ZNF420: variants seen among roughly 807,000 people sequenced by gnomAD.
The protein encoded by ZNF420 is ATM and p53-associated KZNF protein.
A neutral mutation model predicts 44.7 loss-of-function variants in ZNF420; 31 were observed. The observed-to-expected ratio is 0.69, with a 90% CI of 0.52 to 0.94. The LOEUF is 0.94. Ranked by LOEUF, ZNF420 falls within the 40% of genes least tolerant of loss-of-function variation. The pLI is 0.00. For missense variants in ZNF420, 681 were observed against 827.9 expected, an observed-to-expected ratio of 0.82 and a Z score of 2.18; for synonymous variants, 245 against 267.4, an observed-to-expected ratio of 0.92 and a Z score of 0.82.
intron 1 of ZNF420, among the ~76,000 whole-genome samples, chr19:37,072,921 TG>T (rs1427554233): frequency 2.6e-5 from 4 of 152,340 alleles, no homozygotes; most frequent in South Asian, 2.1e-4. Flanking sequence ...TTTTAAAACA[TG>T]AAAAAAACAG....
intron 1 of ZNF420, among the ~76,000 whole-genome samples, chr19:37,066,482 C>T (rs557770323): frequency 6.6e-6 from 1 of 150,920 alleles, no homozygotes; most frequent in East Asian, 1.9e-4. Context: ...GATGAACAAA[C>T]CAATTAAAGA....
Position 37,128,686 on chromosome 19 carries a change from G to T in ZNF420, c.1695G>T (p.Gly565=). 1 of 1,614,024 alleles carries T rather than the reference G, an allele frequency of 6.2e-7. No homozygotes were observed. The highest frequency in any genetic ancestry group is 8.5e-7 in the Non-Finnish European group (1 of 1,179,980). ...AACCATATCAATGTAAGGAATGTGG[G>T]AAAGCCTTTATTCGTGGTTCACAGT... The part of the protein sequence containing the change: ...GEKPYQCKEC[G]KAFIRGSQLT... Residue 565 remains glycine (G), a synonymous_variant, in exon 5 of 5, where the codon GGG becomes GGT. Coordinates refer to ENST00000337995, the MANE Select transcript of ZNF420 (RefSeq NM_144689.5).
intron 1 of ZNF420, among the ~76,000 whole-genome samples, chr19:37,027,626 A>C (rs1450074056): frequency 6.6e-6 from 1 of 152,160 alleles, no homozygotes; most frequent in Non-Finnish European, 1.5e-5. Context: ...TTATAATACC[A>C]TCTGCCTAGT....
chr19:37,122,379 C>T (rs955110163), intron 4 of ZNF420, among the ~76,000 whole-genome samples: 29 of 151,282 alleles, frequency 1.9e-4, no homozygotes, highest in East Asian at 3.9e-4. Context: ...AACCAAACAC[C>T]GCATGTTCTC....
At chr19:37,056,450 C>T (rs1188085946) in intron 1 of ZNF420, among the ~76,000 whole-genome samples, 1 of 152,170 alleles carries the variant, frequency 6.6e-6, no homozygotes, top group Non-Finnish European at 1.5e-5. Flanking sequence ...GCCAGTGACA[C>T]GTGTGGTTGC....
intron 1 of ZNF420, among the ~76,000 whole-genome samples, chr19:37,014,581 C>A (rs187889226): frequency 8.5e-5 from 13 of 152,350 alleles, no homozygotes; most frequent in Admixed American, 4.6e-4. Flanking sequence ...GCCTCCTCCC[C>A]CAAGCCGCCG....
Position 37,127,504 on chromosome 19 carries a change from A to C in ZNF420, c.513A>C (p.Gln171His). ...HTGEKPYECK[Q>H]CGKAFSRDSQ... Reference sequence around the variant, plus strand: ...GTGAAAAACCCTATGAATGTAAGCAATGCGGGAAGGCCTTTAGTCGTGATT... The same window carrying C: ...GTGAAAAACCCTATGAATGTAAGCACTGCGGGAAGGCCTTTAGTCGTGATT... The change falls in exon 5 of 5, where the codon CAA becomes CAC. Residue 171 changes from glutamine to histidine, a missense_variant. Gln to His is a conservative substitution (Grantham distance 24, BLOSUM62 0). Transcript: ENST00000337995. 1 of 1,613,972 alleles carries C rather than the reference A, an allele frequency of 6.2e-7. No individual in the cohort carries two copies. Among genetic ancestry groups the C allele is most frequent in the Non-Finnish European group, 8.5e-7 (1 of 1,179,898 alleles).
intron 1 of ZNF420, among the ~76,000 whole-genome samples, chr19:37,068,367 C>T (rs1400566853): frequency 1.3e-5 from 2 of 152,212 alleles, no homozygotes; most frequent in African/African-American, 2.4e-5. Flanking sequence ...TGGCCGGGCG[C>T]GGTGGCTCAT....
intron 1 of ZNF420, among the ~76,000 whole-genome samples, chr19:37,049,641 G>A (rs1223366122): frequency 7.2e-5 from 11 of 152,044 alleles, no homozygotes; most frequent in South Asian, 4.2e-4. Flanking sequence ...AGCAGGTTGC[G>A]AAAATTTTCT....
intron 4 of ZNF420, among the ~76,000 whole-genome samples, chr19:37,104,832 T>C (rs960269768): frequency 2.0e-5 from 3 of 152,330 alleles, no homozygotes; most frequent in Non-Finnish European, 4.4e-5. Context: ...TCATATCCTT[T>C]GCCGACTTTT....
At chr19:37,112,905 T>C (rs1249930649) in intron 4 of ZNF420, among the ~76,000 whole-genome samples, 1 of 152,184 alleles carries the variant, frequency 6.6e-6, no homozygotes, top group African/African-American at 2.4e-5. Context: ...TGGGGATTTT[T>C]TTGTGGGGGC....
At chr19:37,109,983 T>C (rs1970302591) in intron 4 of ZNF420, 1 of 152,226 alleles carries the variant, frequency 6.6e-6, no homozygotes, top group Admixed American at 6.5e-5. Flanking sequence ...CTATTAGTTC[T>C]TTCAACTATG....
At chr19:37,120,069 C>T (rs969601295) in intron 4 of ZNF420, among the ~76,000 whole-genome samples, 5 of 152,158 alleles carry the variant, frequency 3.3e-5, no homozygotes, top group Non-Finnish European at 5.9e-5. Flanking sequence ...ACCATTCCTT[C>T]TGAAACTATT....
At chr19:37,089,174 G>A (rs1392509216) in intron 3 of ZNF420, 47 bp downstream of exon 3, 2 of 1,552,600 alleles carry the variant, frequency 1.3e-6, no homozygotes, top group Non-Finnish European at 1.8e-6. Context: ...TTTTTACAGA[G>A]CATGTGTGTG....
upstream of ZNF420, among the ~76,000 whole-genome samples, chr19:37,077,726 T>C (rs1968194589): frequency 6.6e-6 from 1 of 152,144 alleles, no homozygotes; most frequent in African/African-American, 2.4e-5. Context: ...AGCACGTTTA[T>C]ATAACACAGA....
chr19:37,011,716 T>C (rs556532829), intron 1 of ZNF420, among the ~76,000 whole-genome samples: 2 of 152,286 alleles, frequency 1.3e-5, no homozygotes, highest in South Asian at 4.1e-4. Context: ...ACCAGGCACA[T>C]ACCTGGACAC....
Position 37,095,273 on chromosome 19 carries a change from T to A in ZNF420, c.136+4152T>A, listed in dbSNP as rs540479537. Among the ~76,000 whole-genome samples the A allele has an allele frequency of 1.3e-3, 200 of 152,366 alleles. 1 individual carries two copies. Among genetic ancestry groups the A allele is most frequent in the Non-Finnish European group, 2.3e-3 (158 of 68,034 alleles). Reference sequence around the variant, plus strand: ...TTAGTAATTATCATTATTGTTTGTGTCACTTGACAAATACATGCTTAATTT... The same window carrying A: ...TTAGTAATTATCATTATTGTTTGTGACACTTGACAAATACATGCTTAATTT... On this transcript the variant is annotated intron_variant, in intron 4 of 4. Coordinates refer to ENST00000337995, the MANE Select transcript of ZNF420 (RefSeq NM_144689.5).
intron 1 of ZNF420, among the ~76,000 whole-genome samples, chr19:37,063,783 C>T (rs62108889): frequency 9.1e-4 from 139 of 152,220 alleles, no homozygotes; most frequent in Non-Finnish European, 1.6e-3. Context: ...AATCCAATTA[C>T]CAAAATAAAG....
chr19:37,102,889 C>T (rs186927874), intron 4 of ZNF420, among the ~76,000 whole-genome samples: 78 of 152,174 alleles, frequency 5.1e-4, no homozygotes, highest in Non-Finnish European at 8.8e-4. Context: ...TTTTTCTACA[C>T]GTCACTTTTT....
Sources: allele counts gnomAD v4.1 joint callset (sites outside exome capture counted in the v4.1 genomes callset), GRCh38; gene constraint gnomAD v4.1.1; transcripts MANE v1.5; gene names NCBI Gene and HGNC (gene_info 2026-07-23, HGNC 2026-07-21).